The following OSGEP variants were observed in gnomAD, a reference collection of about 807,000 sequenced individuals.
OSGEP encodes the protein tRNA N6-adenosine threonylcarbamoyltransferase.
In OSGEP, 39 loss-of-function variants were observed where a neutral mutation model predicts 44.1. The ratio of observed to expected loss-of-function variants is 0.88; its 90% CI spans 0.69 to 1.16. The LOEUF (loss-of-function observed/expected upper bound fraction) is 1.16. OSGEP is among the 50% of genes most tolerant of loss of function. The probability of loss-of-function intolerance (pLI) is 0.00; values close to 1 mark genes in which losing one functional copy is unlikely to be tolerated. For missense variants in OSGEP, 403 were observed against 443.1 expected (o/e 0.91, Z 0.81); for synonymous variants, 139 against 161.9 (o/e 0.86, Z 1.07).
chr14:20,450,498 G>C (rs1005991388), intron 3 of OSGEP: 8 of 148,976 alleles, frequency 5.4e-5, no homozygotes, highest in African/African-American at 2.0e-4. Flanking sequence ...AACATTAAAA[G>C]AGAAGAGGAA....
At chr14:20,454,131 C>T (rs1032315365) in intron 1 of OSGEP, among the ~76,000 whole-genome samples, 3 of 152,088 alleles carry the variant, frequency 2.0e-5, no homozygotes, top group African/African-American at 4.8e-5. Flanking sequence ...GGAGTCTTTC[C>T]ACTCTCATCT....
chr14:20,452,644 T>C (rs975623630), intron 1 of OSGEP, among the ~76,000 whole-genome samples, 196 bp from the exon 2 acceptor site: 1 of 152,170 alleles, frequency 6.6e-6, no homozygotes, highest in Non-Finnish European at 1.5e-5. Flanking sequence ...AATGCTCTTC[T>C]TCTTACCCTA....
Position 20,452,060 on chromosome 14 carries a change from G to T in OSGEP, c.325C>A (p.His109Asn). ...CCCATCTCAATGTGGCCTATACAGT[G>T]GTTCACACCCACCAATGGCTTATTC... ...LWNKPLVGVN[H>N]CIGHIEMGRL... The change falls in exon 3 of 11, where the codon CAC becomes AAC. Residue 109 changes from histidine (H) to asparagine (N), a missense_variant. Physicochemically the swap from His to Asn is moderately conservative, Grantham distance 68 (BLOSUM62 1). Transcript: ENST00000206542. 6.2e-7 allele frequency: 1 copy of T among 1,613,914 alleles called. No homozygotes were observed. The highest frequency in any genetic ancestry group is 8.5e-7 in the Non-Finnish European group (1 of 1,180,004).
chr14:20,449,959 T>C (rs957328741), intron 3 of OSGEP: 1 of 152,068 alleles, frequency 6.6e-6, no homozygotes, highest in African/African-American at 2.4e-5. Flanking sequence ...GAAGCAGAGC[T>C]GAAGAACTCA....
At chr14:20,449,039 G>T in intron 4 of OSGEP, 26 bp from the exon 5 acceptor site, 1 of 1,599,250 alleles carries the variant, frequency 6.3e-7, no homozygotes, top group Non-Finnish European at 8.6e-7. Context: ...AATAAGGAAG[G>T]AGGGAATGGA....
chr14:20,451,264 T>C (rs1467011056), intron 3 of OSGEP: 8 of 218,152 alleles, frequency 3.7e-5, no homozygotes, highest in East Asian at 1.7e-4. Flanking sequence ...TGCCCCAAAA[T>C]AATAAATCAG....
At chr14:20,448,304 T>C in intron 6 of OSGEP, 133 bp from the exon 7 acceptor site, 1 of 766,806 alleles carries the variant, frequency 1.3e-6, no homozygotes, top group South Asian at 1.4e-5. Flanking sequence ...TGTACCACAT[T>C]CCCTTCACTG....
rs1405123455 is a variant in OSGEP at position 20,454,718 on chromosome 14, T to A, written c.-35A>T. 6.6e-7 allele frequency: 1 copy of A among 1,508,754 alleles called. No individual in the cohort carries two copies. 93.5% of individuals were successfully genotyped at this position (1,508,754 alleles called of 1,614,324 possible). On this transcript the variant is annotated 5_prime_UTR_variant, in exon 1 of 11. Coordinates refer to ENST00000206542, the MANE Select transcript of OSGEP (RefSeq NM_017807.4). ...TGGGAGAAAACGCCGACAGGACTCC[T>A]GGCAATGTCAGGAGCTGTGGAGGTC...
chr14:20,448,096 A>C lies in OSGEP; in HGVS notation c.702+10T>G, dbSNP rs1881003253. ...CCCCAACTTTCTGTCCCAGTTTTTT[A>C]CTGCATTACCTGCAGGGAGAAACAC... On this transcript the variant is annotated intron_variant, in intron 7 of 10. Transcript: ENST00000206542. 1.9e-6 allele frequency: 3 copies of C among 1,610,888 alleles called. No individual in the cohort carries two copies. The highest frequency in any genetic ancestry group is 2.5e-6 in the Non-Finnish European group (3 of 1,176,988).
chr14:20,448,965 G>A lies in OSGEP; in HGVS notation c.556C>T (p.Arg186Ter), dbSNP rs140696201. The A allele has an allele frequency of 8.7e-6, 14 of 1,613,858 alleles. No homozygotes were observed. Among genetic ancestry groups the A allele is most frequent in the Middle Eastern group, 1.6e-4 (1 of 6,062 alleles). ...PGYNIEQMAK[R>*]GKKLVELPYT... ...TGCTTCCACCTTATGTCCCCTTACC[G>A]CTTTGCCATCTGTTCAATGTTGTAT... is the stretch of plus-strand genomic sequence containing the variant. The change falls in exon 5 of 11, where the codon CGA becomes TGA. Residue 186 changes from arginine to a stop codon, truncating the protein, a stop_gained and splice_region_variant. Transcript: ENST00000206542. LOFTEE classifies it high-confidence loss of function.
Position 20,448,774 on chromosome 14 carries a change from C to T in OSGEP, c.595G>A (p.Gly199Arg). 6.2e-7 allele frequency: 1 copy of T among 1,613,334 alleles called. No individual in the cohort carries two copies. Residue 199 changes from glycine to arginine, a missense_variant, in exon 6 of 11, where the codon GGG becomes AGG. Gly to Arg is a moderately radical substitution (Grantham distance 125). Coordinates refer to ENST00000206542, the MANE Select transcript of OSGEP (RefSeq NM_017807.4). ...KLVELPYTVK[G>R]MDVSFSGILS... ...ATCCCTGAGAATGAGACGTCCATCCCCTTTACAGTGTATGGCAGCTCAACT... is the reference window on the plus strand; with the variant it reads ...ATCCCTGAGAATGAGACGTCCATCCTCTTTACAGTGTATGGCAGCTCAACT...
chr14:20,451,643 T>C (rs906168469), intron 3 of OSGEP: 2 of 190,520 alleles, frequency 1.0e-5, no homozygotes, highest in Non-Finnish European at 2.1e-5. Context: ...ATAGAAAAAA[T>C]AAGCTTCAAA....
chr14:20,450,686 C>A (rs1439629788), intron 3 of OSGEP: 1 of 152,202 alleles, frequency 6.6e-6, no homozygotes, highest in East Asian at 1.9e-4. Flanking sequence ...TCGACACAAC[C>A]CTTTCATGAG....
chr14:20,454,799 C>A lies in OSGEP; in HGVS notation c.-116G>T, dbSNP rs1594411052. On this transcript the variant is annotated 5_prime_UTR_variant, in exon 1 of 11. It adds an upstream start codon to the 5' untranslated region. Transcript: ENST00000206542. ...CGGAGCGCAGAGGAAGCTGGCCAGC[C>A]TGCAGATAGCACTGGGAAAGACACC... 2 of 718,766 alleles carry A rather than the reference C, an allele frequency of 2.8e-6. No individual in the cohort carries two copies. The highest frequency in any genetic ancestry group is 5.4e-5 in the East Asian group (2 of 37,002). The allele number at this position is 718,766 out of a possible 1,614,324, so 44.5% of individuals were successfully genotyped here.
intron 2 of OSGEP, 84 bp from the exon 3 acceptor site, chr14:20,452,233 G>A: frequency 1.9e-6 from 3 of 1,584,094 alleles, no homozygotes; most frequent in Non-Finnish European, 1.7e-6. Flanking sequence ...AGGTGGGGTA[G>A]GGGTAGTGAT....
Position 20,447,894 on chromosome 14 carries a change from T to C in OSGEP, c.793+10A>G. 1 of 1,581,396 alleles carries C rather than the reference T, an allele frequency of 6.3e-7. No homozygotes were observed. Among genetic ancestry groups the C allele is most frequent in the South Asian group, 1.1e-5 (1 of 90,404 alleles). On this transcript the variant is annotated intron_variant, in intron 8 of 10. Transcript: ENST00000206542. ...AATAGGAAAGAGGAACACTTTTCAA[T>C]AATACATACACCCCACTCCTCCCAC...
At chr14:20,451,248 T>G (rs1407636607) in intron 3 of OSGEP, 1 of 195,050 alleles carries the variant, frequency 5.1e-6, no homozygotes, top group Non-Finnish European at 1.1e-5. Flanking sequence ...AAACAAAACA[T>G]GTACTTGCCC....
rs144732839 is a variant in OSGEP at position 20,447,645 on chromosome 14, C to T, written c.839G>A (p.Arg280His). 7.4e-6 allele frequency: 12 copies of T among 1,613,948 alleles called. No homozygotes were observed. Among genetic ancestry groups the T allele is most frequent in the African/African-American group, 6.7e-5 (5 of 74,922 alleles). ...QEMMATMCQERGARLFATDER... is the reference protein window; with the variant it reads ...QEMMATMCQEHGARLFATDER... ...ATCTGTAGCAAAAAGCCGGGCTCCA[C>T]GTTCCTGGCACATTGTTGCCATCAT... Residue 280 changes from arginine to histidine, a missense_variant, in exon 9 of 11, where the codon CGT (arginine) becomes CAT (histidine). Arg to His is a conservative substitution (Grantham distance 29, BLOSUM62 0). Transcript: ENST00000206542.
rs1880961533 is a variant in OSGEP at position 20,446,946 on chromosome 14, A to G, written c.*294T>C. On this transcript the variant is annotated 3_prime_UTR_variant, in exon 11 of 11. Coordinates refer to ENST00000206542, the MANE Select transcript of OSGEP (RefSeq NM_017807.4). The stretch of plus-strand genomic sequence containing the variant: ...AACACAGCAAGATTCCGTTTCTTAA[A>G]AAAAAAAAAAAAGATACCTCATTCT... The G allele has an allele frequency of 6.5e-6, 2 of 309,152 alleles. No individual in the cohort carries two copies. The highest frequency in any genetic ancestry group is 9.4e-5 in the Admixed American group (2 of 21,314). 19.2% of individuals were successfully genotyped at this position (309,152 alleles called of 1,614,324 possible).
Sources: gnomAD v4.1 joint callset for allele counts (sites outside exome capture counted in the v4.1 genomes callset) on GRCh38, gnomAD v4.1.1 for gene constraint, MANE v1.5 for transcripts, NCBI Gene and HGNC (gene_info 2026-07-23, HGNC 2026-07-21) for gene names.